CSMD2: variants seen among roughly 807,000 people sequenced by gnomAD.
The protein encoded by CSMD2 is CUB and Sushi multiple domains 2.
Under a neutral mutation model 398.5 loss-of-function variants are expected in CSMD2, and 130 were observed. The observed-to-expected ratio is 0.33, with a 90% CI of 0.28 to 0.38. CSMD2 has a LOEUF of 0.38. Ranked by LOEUF, CSMD2 falls within the 10% of genes least tolerant of loss-of-function variation. The pLI is 1.00. For synonymous variants in CSMD2, 1,828 were observed against 1,908.5 expected (o/e 0.96, Z 1.10); for missense variants, 3,829 against 4,764.9 (o/e 0.80, Z 5.78).
chr1:33,984,833 AAGG>A (rs1646295016), intron 3 of CSMD2, among the ~76,000 whole-genome samples: 2 of 147,292 alleles, frequency 1.4e-5, no homozygotes, highest in African/African-American at 5.2e-5. Context: ...GGAAGGAGGG[AAGG>A]AGGAAGGAAG....
Position 33,561,013 on chromosome 1 carries a change from C to T in CSMD2, c.8381-1540G>A, listed in dbSNP as rs116041515. Among the ~76,000 whole-genome samples the T allele has an allele frequency of 6.3e-3, 962 of 152,284 alleles. 3 individuals carry two copies. Among genetic ancestry groups the T allele is most frequent in the Non-Finnish European group, 1.0e-2 (680 of 68,028 alleles). On this transcript the variant is annotated intron_variant, in intron 53 of 70. Transcript: ENST00000373381. ...CACCTGATGCTTTTGCCAGGCCTCT[C>T]GCTTTGTTCTGGGTTTTAATTTGTG...
chr1:33,964,282 A>G (rs1645478133), intron 3 of CSMD2, among the ~76,000 whole-genome samples: 1 of 152,200 alleles, frequency 6.6e-6, no homozygotes, highest in African/African-American at 2.4e-5. Flanking sequence ...CATGGAGATG[A>G]TAATAACAGT....
rs1343681628 is a variant in CSMD2, at chr1:33,833,851, T to C, written c.1034-8077A>G. On this transcript the variant is annotated intron_variant, in intron 6 of 70. Transcript: ENST00000373381. ...AAAAATCACAAGCATTCTTATACAC[T>C]AATAACAGACAAACAGAGAGCCAAA... 5.2e-3 allele frequency among the ~76,000 whole-genome samples: 781 copies of C among 151,058 alleles called. 3 individuals are homozygous for C. The highest frequency in any genetic ancestry group is 7.6e-3 in the Non-Finnish European group (513 of 67,442).
chr1:33,913,439 G>A (rs569480236), intron 5 of CSMD2, among the ~76,000 whole-genome samples: 1 of 152,300 alleles, frequency 6.6e-6, no homozygotes, highest in East Asian at 1.9e-4. Flanking sequence ...TAGGGCCAAC[G>A]AGGCTCTGAA....
At chr1:34,157,478 A>G (rs1302105122) in intron 1 of CSMD2, among the ~76,000 whole-genome samples, 1 of 151,754 alleles carries the variant, frequency 6.6e-6, no homozygotes, top group South Asian at 2.1e-4. Context: ...CCTCTATCTC[A>G]TGCCATTCTA....
At chr1:34,157,240 C>G (rs1011036450) in intron 1 of CSMD2, among the ~76,000 whole-genome samples, 3 of 152,238 alleles carry the variant, frequency 2.0e-5, no homozygotes, top group Admixed American at 6.5e-5. Context: ...TTTCACAATT[C>G]AGGTGAGAAA....
At chr1:33,619,736 T>A (rs553118476) in intron 37 of CSMD2, among the ~76,000 whole-genome samples, 1 of 152,198 alleles carries the variant, frequency 6.6e-6, no homozygotes, top group African/African-American at 2.4e-5. Flanking sequence ...TTTTAAGATA[T>A]GAGTGTGATA....
chr1:33,519,875 G>A lies in CSMD2; in HGVS notation c.10673C>T (p.Ala3558Val), dbSNP rs1256807602. Residue 3558 changes from alanine (A) to valine (V), a missense_variant, in exon 69 of 71, where the codon GCG becomes GTG. By Grantham distance (64) the Ala-to-Val change is moderately conservative (BLOSUM62 0). This residue lies in a region of CSMD2 where 917 missense variants were observed against 1,199.5 expected (regional missense o/e 0.76). Transcript: ENST00000373381. This position sits in a 1 kb window ranked among gnomAD's most constrained non-coding sequence, Gnocchi z 5.6. ...FASNSSSVAAAILVPFIALII... is the reference protein window; with the variant it reads ...FASNSSSVAAVILVPFIALII... ...GAGGGCGATGAAAGGCACCAGGATC[G>A]CGGCTGCCACTGAGCTGCTGTTGGA... The A allele has an allele frequency of 3.1e-6, 5 of 1,614,086 alleles. No homozygotes were observed. Among genetic ancestry groups the A allele is most frequent in the Non-Finnish European group, 3.4e-6 (4 of 1,180,006 alleles).
At chr1:34,033,085 G>T (rs1452995196) in intron 2 of CSMD2, among the ~76,000 whole-genome samples, 1 of 152,186 alleles carries the variant, frequency 6.6e-6, no homozygotes, top group Non-Finnish European at 1.5e-5. Flanking sequence ...TATTCACATA[G>T]TAAGGGAAAT....
chr1:34,073,482 CA>C (rs1400049811), intron 2 of CSMD2, among the ~76,000 whole-genome samples: 1 of 152,150 alleles, frequency 6.6e-6, no homozygotes, highest in Admixed American at 6.5e-5. Flanking sequence ...GGACACACAC[CA>C]AACTGTTAAC....
Position 33,734,614 on chromosome 1 carries a change from G to A in CSMD2, c.2368+4526C>T, listed in dbSNP as rs142657730. On this transcript the variant is annotated intron_variant, in intron 15 of 70. Transcript: ENST00000373381. ...AGTCTGGCCAACATAGTGAAACCCC[G>A]TCTCTACTAAGAATACAAAAATTAG... is the stretch of plus-strand genomic sequence containing the variant. Among the ~76,000 whole-genome samples the A allele has an allele frequency of 7.7e-3, 1,163 of 151,986 alleles. 14 individuals are homozygous for A. The highest frequency in any genetic ancestry group is 0.026 in the African/African-American group (1,086 of 41,458).
At chr1:34,069,258 C>T (rs1050085983) in intron 2 of CSMD2, among the ~76,000 whole-genome samples, 3 of 147,588 alleles carry the variant, frequency 2.0e-5, no homozygotes, top group Non-Finnish European at 4.4e-5. Flanking sequence ...TTTGCTGAGA[C>T]CCCCCATGTA....
At position 34,164,999 on chromosome 1, in the gene CSMD2, C is replaced by T. The variant is rs1296059652; in HGVS notation, c.99G>A (p.Gly33=). The part of the protein sequence containing the change: ...TGISALVPGA[G]SRWGRPPPPT... ...GCGGCGGCGGGCGGCCCCAGCGGCT[C>T]CCGGCGCCCGGCACAAGCGCCGAAA... Residue 33 remains glycine (G), a synonymous_variant, in exon 1 of 71, where the codon GGG becomes GGA. Transcript: ENST00000373381. The surrounding 1 kb of genome is among the most constrained non-coding windows in gnomAD (Gnocchi z 6.2). 59 of 1,207,784 alleles carry T rather than the reference C, an allele frequency of 4.9e-5. No individual in the cohort carries two copies. The highest frequency in any genetic ancestry group is 6.0e-5 in the Non-Finnish European group (58 of 972,936). 74.8% of individuals were successfully genotyped at this position (1,207,784 alleles called of 1,614,324 possible). A position where few individuals can be genotyped will look rare whatever the true frequency, so the allele number is the denominator to read the frequency against.
chr1:33,995,941 C>T (rs192582682), intron 3 of CSMD2, among the ~76,000 whole-genome samples: 6 of 152,338 alleles, frequency 3.9e-5, no homozygotes, highest in African/African-American at 1.2e-4. Flanking sequence ...GCACCCCTCG[C>T]TGAGGTCACT....
intron 22 of CSMD2, among the ~76,000 whole-genome samples, chr1:33,706,890 C>CGT (rs1022896831): frequency 6.6e-6 from 1 of 150,934 alleles, no homozygotes; most frequent in Non-Finnish European, 1.5e-5. Context: ...TTTGTGTATG[C>CGT]GTGTGTGTGT....
chr1:34,157,747 C>T, intron 1 of CSMD2, among the ~76,000 whole-genome samples: 1 of 152,042 alleles, frequency 6.6e-6, no homozygotes, highest in Non-Finnish European at 1.5e-5. Flanking sequence ...TGTGCCAACA[C>T]ATCCCAACCC....
intron 3 of CSMD2, among the ~76,000 whole-genome samples, chr1:34,022,455 G>A (rs564132960): frequency 4.6e-5 from 7 of 152,298 alleles, no homozygotes; most frequent in South Asian, 4.1e-4. Context: ...TCTATTGAGC[G>A]TTCTTCCTGT....
chr1:33,619,408 A>G (rs894429121), intron 37 of CSMD2, among the ~76,000 whole-genome samples: 4 of 151,918 alleles, frequency 2.6e-5, no homozygotes, highest in Admixed American at 2.0e-4. Context: ...GAAAGGACCA[A>G]TCAGCCTAGA....
At chr1:33,764,500 C>G (rs1438809941) in intron 13 of CSMD2, among the ~76,000 whole-genome samples, 1 of 152,202 alleles carries the variant, frequency 6.6e-6, no homozygotes, top group African/African-American at 2.4e-5. Flanking sequence ...CTTCAGTGTT[C>G]AGGTTCTTGA....
Sources: gnomAD v4.1 joint callset for allele counts (sites outside exome capture counted in the v4.1 genomes callset) on GRCh38, gnomAD v4.1.1 for gene constraint, gnomAD v4.1.1 regional missense constraint, Gnocchi (gnomAD v3.1) non-coding constraint, MANE v1.5 for transcripts, NCBI Gene and HGNC (gene_info 2026-07-23, HGNC 2026-07-21) for gene names.